The following DYNC1I1 variants were observed in gnomAD, a reference collection of about 807,000 sequenced individuals.
The protein encoded by DYNC1I1 is dynein cytoplasmic 1 intermediate chain 1.
A neutral mutation model predicts 86.6 loss-of-function variants in DYNC1I1; 43 were observed. The ratio of observed to expected loss-of-function variants is 0.50; its 90% CI spans 0.39 to 0.64. The LOEUF (loss-of-function observed/expected upper bound fraction) is 0.64, where lower values mean the gene tolerates loss of function less well. DYNC1I1 is among the 30% of genes least tolerant of loss of function. The pLI is 0.00. For missense variants in DYNC1I1, 604 were observed against 788.8 expected (o/e 0.77, Z 2.81); for synonymous variants, 262 against 283.7 (o/e 0.92, Z 0.77).
intron 6 of DYNC1I1, among the ~76,000 whole-genome samples, chr7:95,886,929 G>C (rs540292984): frequency 2.0e-4 from 30 of 152,294 alleles, no homozygotes; most frequent in African/African-American, 5.5e-4. Context: ...CAATCTGTAT[G>C]AGCTCAGTGT....
chr7:95,800,311 G>T (rs1794547009), intron 1 of DYNC1I1, among the ~76,000 whole-genome samples: 1 of 151,970 alleles, frequency 6.6e-6, no homozygotes, highest in African/African-American at 2.4e-5. Flanking sequence ...TTTGGGGTGA[G>T]TATAACTTGG....
intron 10 of DYNC1I1, among the ~76,000 whole-genome samples, chr7:96,021,694 C>G (rs1794555303): frequency 2.0e-5 from 3 of 152,106 alleles, no homozygotes; most frequent in South Asian, 4.1e-4. Context: ...CCCTAGGCAA[C>G]CACGACTCAG....
At chr7:95,860,900 CT>C (rs1485063526) in intron 5 of DYNC1I1, among the ~76,000 whole-genome samples, 1 of 152,034 alleles carries the variant, frequency 6.6e-6, no homozygotes, top group African/African-American at 2.4e-5. Flanking sequence ...GATGTAATTA[CT>C]TTCTAAAAGA....
intron 6 of DYNC1I1, among the ~76,000 whole-genome samples, chr7:95,889,987 CTG>C (rs1175090889): frequency 2.6e-5 from 4 of 152,212 alleles, no homozygotes; most frequent in Admixed American, 1.3e-4. Context: ...TGCTTACACA[CTG>C]TTGGTGGGAG....
intron 1 of DYNC1I1, chr7:95,804,077 G>A (rs964084633): frequency 6.1e-6 from 1 of 164,596 alleles, no homozygotes; most frequent in Non-Finnish European, 1.3e-5. Context: ...CATTCAGAAT[G>A]CAAATGAAAG....
Position 95,816,028 on chromosome 7 carries a change from T to TA in DYNC1I1, c.314+2693dup, listed in dbSNP as rs397941413. ...CCCTCTTATTGATTTTTTTTTTTTT[T>TA]AATTTTAAAGAGACCGTCTTGCTCC... On this transcript the variant is annotated intron_variant, in intron 4 of 16. Coordinates refer to ENST00000447467, the MANE Select transcript of DYNC1I1 (RefSeq NM_001135556.2). 5.9e-3 allele frequency among the ~76,000 whole-genome samples: 890 copies of TA among 150,816 alleles called. 7 individuals are homozygous for TA. The highest frequency in any genetic ancestry group is 0.02 in the African/African-American group (813 of 41,236).
chr7:96,084,237 T>C (rs1790607837), intron 16 of DYNC1I1, among the ~76,000 whole-genome samples: 1 of 151,588 alleles, frequency 6.6e-6, no homozygotes, highest in Admixed American at 6.6e-5. Flanking sequence ...AACGCCACAT[T>C]TTCATTTTTC....
chr7:95,816,088 G>A (rs914368307), intron 4 of DYNC1I1, among the ~76,000 whole-genome samples: 3 of 151,482 alleles, frequency 2.0e-5, no homozygotes, highest in Non-Finnish European at 4.4e-5. Flanking sequence ...TGCAATTATA[G>A]CTCACTGCAA....
At chr7:95,798,173 G>A (rs748204248) in intron 1 of DYNC1I1, among the ~76,000 whole-genome samples, 7 of 152,110 alleles carry the variant, frequency 4.6e-5, no homozygotes, top group Non-Finnish European at 1.0e-4. Context: ...TTTGAGAACT[G>A]CTCTTCTGTG....
chr7:95,777,883 A>C (rs1385578864), intron 1 of DYNC1I1, among the ~76,000 whole-genome samples: 2 of 152,172 alleles, frequency 1.3e-5, no homozygotes, highest in Admixed American at 1.3e-4. Context: ...ATTTTTTAAA[A>C]ATTCTGCAGC....
chr7:95,794,153 T>A (rs549294274), intron 1 of DYNC1I1, among the ~76,000 whole-genome samples: 2 of 152,312 alleles, frequency 1.3e-5, no homozygotes, highest in South Asian at 4.1e-4. Context: ...TACTTCTTTC[T>A]TCATGTAGTT....
At chr7:96,044,790 G>A (rs1789159517) in intron 14 of DYNC1I1, among the ~76,000 whole-genome samples, 1 of 152,192 alleles carries the variant, frequency 6.6e-6, no homozygotes, top group Non-Finnish European at 1.5e-5. Context: ...TGGAGCTACT[G>A]AAGGGAGCAG....
intron 10 of DYNC1I1, among the ~76,000 whole-genome samples, chr7:96,005,834 G>A (rs1227160841): frequency 1.3e-5 from 2 of 152,174 alleles, no homozygotes; most frequent in African/African-American, 2.4e-5. Context: ...TTTTCAAAAC[G>A]CCGTTGCTAG....
chr7:95,873,846 T>C (rs1055611984), intron 6 of DYNC1I1, among the ~76,000 whole-genome samples: 6 of 152,234 alleles, frequency 3.9e-5, no homozygotes, highest in African/African-American at 1.4e-4. Flanking sequence ...CAATTTCCCA[T>C]TATTTCCTGA....
intron 10 of DYNC1I1, among the ~76,000 whole-genome samples, chr7:96,011,270 A>G (rs749923536): frequency 6.6e-6 from 1 of 152,168 alleles, no homozygotes; most frequent in Non-Finnish European, 1.5e-5. Flanking sequence ...GATATTAACT[A>G]TACTTAATAT....
chr7:95,916,620 A>G (rs1159631550), intron 6 of DYNC1I1, among the ~76,000 whole-genome samples: 1 of 152,158 alleles, frequency 6.6e-6, no homozygotes, highest in African/African-American at 2.4e-5. Flanking sequence ...AGAAATAGCT[A>G]CGATTTCACA....
At chr7:96,021,938 A>C in intron 10 of DYNC1I1, among the ~76,000 whole-genome samples, 1 of 152,310 alleles carries the variant, frequency 6.6e-6, no homozygotes, top group East Asian at 1.9e-4. Flanking sequence ...CCACTTTTTA[A>C]CAATTATGAA....
intron 4 of DYNC1I1, among the ~76,000 whole-genome samples, chr7:95,824,178 T>C (rs568934025): frequency 2.0e-5 from 3 of 148,580 alleles, no homozygotes; most frequent in African/African-American, 7.4e-5. Context: ...TTTTTGTAGA[T>C]GCAGAGTTTC....
At chr7:96,049,698 A>G (rs1167441660) in intron 14 of DYNC1I1, among the ~76,000 whole-genome samples, 1 of 152,154 alleles carries the variant, frequency 6.6e-6, no homozygotes, top group Non-Finnish European at 1.5e-5. Flanking sequence ...AATGAAATCA[A>G]ATTTTTTAAA....
Sources: allele counts gnomAD v4.1 joint callset (sites outside exome capture counted in the v4.1 genomes callset), GRCh38; gene constraint gnomAD v4.1.1; transcripts MANE v1.5; gene names NCBI Gene and HGNC (gene_info 2026-07-23, HGNC 2026-07-21).